The following ASAP1 variants were observed in gnomAD, a reference collection of about 807,000 sequenced individuals.
The protein encoded by ASAP1 is ArfGAP with SH3 domain, ankyrin repeat and PH domain 1, also known as arf-GAP with SH3 domain, ANK repeat and PH domain-containing protein 1.
Under a neutral mutation model 145.2 loss-of-function variants are expected in ASAP1, and 43 were observed. The observed-to-expected ratio is 0.30, with a 90% confidence interval of 0.23 to 0.38. ASAP1 has a LOEUF of 0.38. Among genes scored for constraint, ASAP1 ranks in the 10% least tolerant of loss-of-function variants. The probability of loss-of-function intolerance (pLI) is 1.00; values close to 1 mark genes in which losing one functional copy is unlikely to be tolerated. For synonymous variants in ASAP1, 546 were observed against 515.5 expected (o/e 1.06, Z -0.80); for missense variants, 1,018 against 1,355.3 (o/e 0.75, Z 3.91).
At chr8:130,433,459 C>T (rs1404046115) in intron 1 of ASAP1, among the ~76,000 whole-genome samples, 2 of 152,220 alleles carry the variant, frequency 1.3e-5, no homozygotes, top group South Asian at 2.1e-4. Flanking sequence ...AGGACTCTCT[C>T]CCTTCCCTAT....
chr8:130,280,430 T>C (rs913435281), intron 3 of ASAP1, among the ~76,000 whole-genome samples: 17 of 152,234 alleles, frequency 1.1e-4, no homozygotes, highest in African/African-American at 3.4e-4. Context: ...TGACAACTAG[T>C]CCTCACAAAT....
At chr8:130,068,330 G>A (rs1047031046) in intron 27 of ASAP1, among the ~76,000 whole-genome samples, 12 of 152,194 alleles carry the variant, frequency 7.9e-5, no homozygotes, top group African/African-American at 2.9e-4. Flanking sequence ...ACCCACAAAG[G>A]AGAAAATTAC....
intron 5 of ASAP1, among the ~76,000 whole-genome samples, chr8:130,191,889 T>C (rs964728319): frequency 1.3e-5 from 2 of 152,116 alleles, no homozygotes; most frequent in Non-Finnish European, 2.9e-5. Flanking sequence ...GCTCTTAACT[T>C]CTTCCTAACC....
chr8:130,125,946 C>A lies in ASAP1; in HGVS notation c.1515+10G>T. 1 of 1,605,236 alleles carries A rather than the reference C, an allele frequency of 6.2e-7. No individual in the cohort carries two copies. The highest frequency in any genetic ancestry group is 1.1e-5 in the South Asian group (1 of 88,684). On this transcript the variant is annotated intron_variant, in intron 17 of 29. Coordinates refer to ENST00000518721, the MANE Select transcript of ASAP1 (RefSeq NM_018482.4). ...AATATCATTCTTCCCAAGTACAGGT[C>A]ACTACTTACCAAGAGTTCAGAAGTT...
At chr8:130,249,083 A>T (rs1489752350) in intron 3 of ASAP1, among the ~76,000 whole-genome samples, 2 of 151,824 alleles carry the variant, frequency 1.3e-5, no homozygotes, top group Admixed American at 6.6e-5. Context: ...CATTACTGAA[A>T]CCCATTCCAA....
chr8:130,084,423 T>C (rs1033425931), intron 25 of ASAP1: 2 of 152,228 alleles, frequency 1.3e-5, no homozygotes, highest in African/African-American at 4.8e-5. Context: ...AAGGTCTTAG[T>C]GTATCATACA....
At chr8:130,101,462 C>A (rs960632607) in intron 24 of ASAP1, among the ~76,000 whole-genome samples, 1 of 152,066 alleles carries the variant, frequency 6.6e-6, no homozygotes, top group African/African-American at 2.4e-5. Flanking sequence ...TCTTTTATCA[C>A]TGTTTTATAA....
chr8:130,238,038 G>A (rs1818314759), intron 3 of ASAP1, among the ~76,000 whole-genome samples: 1 of 152,062 alleles, frequency 6.6e-6, no homozygotes, highest in Non-Finnish European at 1.5e-5. Context: ...CCAGAAAACT[G>A]AAGCCCACAG....
intron 9 of ASAP1, among the ~76,000 whole-genome samples, chr8:130,172,853 T>C (rs1263235237): frequency 6.6e-6 from 1 of 152,218 alleles, no homozygotes; most frequent in Admixed American, 6.5e-5. Context: ...GGCTGAAGAC[T>C]CCAAACAAAT....
At chr8:130,330,677 G>A (rs923981392) in intron 3 of ASAP1, among the ~76,000 whole-genome samples, 1 of 152,200 alleles carries the variant, frequency 6.6e-6, no homozygotes, top group Non-Finnish European at 1.5e-5. Context: ...TAAGCTTTAC[G>A]ATGGATCATT....
At chr8:130,436,643 T>C (rs926261400) in intron 1 of ASAP1, among the ~76,000 whole-genome samples, 2 of 152,012 alleles carry the variant, frequency 1.3e-5, no homozygotes, top group Admixed American at 6.6e-5. Flanking sequence ...CATCCAAATA[T>C]AAAAAATGAA....
chr8:130,154,823 G>A (rs1308387831), intron 12 of ASAP1, among the ~76,000 whole-genome samples: 1 of 152,134 alleles, frequency 6.6e-6, no homozygotes, highest in Non-Finnish European at 1.5e-5. Context: ...TTGCTGAGGA[G>A]GTAATTTAAC....
intron 3 of ASAP1, among the ~76,000 whole-genome samples, chr8:130,301,400 C>T (rs186178038): frequency 6.6e-6 from 1 of 152,302 alleles, no homozygotes; most frequent in Admixed American, 6.5e-5. Context: ...TACCTAGTAG[C>T]ATTTTAATGT....
At chr8:130,229,904 A>C (rs1015753157) in intron 4 of ASAP1, among the ~76,000 whole-genome samples, 10 of 151,942 alleles carry the variant, frequency 6.6e-5, no homozygotes, top group Admixed American at 1.3e-4. Flanking sequence ...CCCACACACA[A>C]AACAAAAATT....
At chr8:130,172,897 T>G (rs1226885381) in intron 9 of ASAP1, among the ~76,000 whole-genome samples, 1 of 152,238 alleles carries the variant, frequency 6.6e-6, no homozygotes, top group Admixed American at 6.5e-5. Flanking sequence ...TTCAGACTGT[T>G]ACATACCCAG....
intron 5 of ASAP1, among the ~76,000 whole-genome samples, chr8:130,202,755 T>G (rs993889383): frequency 3.9e-5 from 6 of 152,160 alleles, no homozygotes; most frequent in Non-Finnish European, 2.9e-5. Flanking sequence ...TGACCTAGCT[T>G]GGGAGGTGGT....
At chr8:130,331,954 G>A (rs1824719758) in intron 3 of ASAP1, among the ~76,000 whole-genome samples, 1 of 152,094 alleles carries the variant, frequency 6.6e-6, no homozygotes, top group Non-Finnish European at 1.5e-5. Context: ...CCAAGGTCTA[G>A]GTTTGCTTTC....
chr8:130,083,771 A>G (rs949115720), intron 25 of ASAP1: 10 of 152,126 alleles, frequency 6.6e-5, no homozygotes, highest in Non-Finnish European at 1.3e-4. Flanking sequence ...CCCACCTTCT[A>G]TGTCTTGGTA....
At chr8:130,371,757 G>C (rs1827224157) in intron 2 of ASAP1, among the ~76,000 whole-genome samples, 1 of 152,196 alleles carries the variant, frequency 6.6e-6, no homozygotes, top group South Asian at 2.1e-4. Context: ...TTGGGCTCCT[G>C]ATAACCATGG....
Sources: gnomAD v4.1 joint callset for allele counts (sites outside exome capture counted in the v4.1 genomes callset) on GRCh38, gnomAD v4.1.1 for gene constraint, MANE v1.5 for transcripts, NCBI Gene and HGNC (gene_info 2026-07-23, HGNC 2026-07-21) for gene names.